Variants in ZNF529 observed in about 807,000 individuals in gnomAD.
ZNF529 encodes the protein zinc finger protein 529.
ZNF529 carries 11 observed loss-of-function variants against 10.1 expected under a neutral mutation model. That is an observed-to-expected ratio of 1.09 (90% confidence interval 0.69 to 1.81). The LOEUF (loss-of-function observed/expected upper bound fraction) is 1.81. ZNF529 is among the 40% of genes most tolerant of loss of function. The pLI is 0.00. For synonymous variants in ZNF529, 204 were observed against 215.7 expected, an observed-to-expected ratio of 0.95 and a Z score of 0.47; for missense variants, 624 against 666.8, an observed-to-expected ratio of 0.94 and a Z score of 0.71.
At chr19:36,577,246 C>A, upstream of ZNF529, 1 of 440,972 alleles carries the variant, frequency 2.3e-6, no homozygotes, top group Non-Finnish European at 4.6e-6. Flanking sequence ...AGGTGTGAAC[C>A]ACCGTGCCCG....
rs1371384097 is a variant in ZNF529, at chr19:36,546,474, CTG to C, written c.*390_*391del. Reference sequence around the variant, plus strand: ...TTGTATCTGACTAGGAGTGCTAACTCTGTGGAGGAAAATAAGTAAGTATAGAT... The same window carrying C: ...TTGTATCTGACTAGGAGTGCTAACTCTGGAGGAAAATAAGTAAGTATAGAT... On this transcript the variant is annotated 3_prime_UTR_variant, in exon 5 of 5. Coordinates refer to ENST00000591340, the MANE Select transcript of ZNF529 (RefSeq NM_020951.5). 1 of 165,204 alleles carries C rather than the reference CTG, an allele frequency of 6.1e-6. No individual in the cohort carries two copies. Among genetic ancestry groups the C allele is most frequent in the African/African-American group, 2.4e-5 (1 of 41,568 alleles). 10.2% of individuals were successfully genotyped at this position (165,204 alleles called of 1,614,324 possible). A position where few individuals can be genotyped will look rare whatever the true frequency, so the allele number is the denominator to read the frequency against.
At chr19:36,576,718 A>AAATAAT (rs141522986), upstream of ZNF529, among the ~76,000 whole-genome samples, 215 of 149,902 alleles carry the variant, frequency 1.4e-3, no homozygotes, top group South Asian at 3.4e-3. Flanking sequence ...CTCCGTCTCA[A>AAATAAT]AATAATAATA....
At chr19:36,553,849 A>G (rs1458307111) in intron 4 of ZNF529, among the ~76,000 whole-genome samples, 4 of 152,234 alleles carry the variant, frequency 2.6e-5, no homozygotes, top group African/African-American at 9.6e-5. Flanking sequence ...CAAGTGAAAT[A>G]CACATAACTA....
rs569880461 is a variant in ZNF529 at position 36,548,273 on chromosome 19, A to G, written c.285T>C (p.Ile95=). 1.2e-6 allele frequency: 2 copies of G among 1,610,390 alleles called. No homozygotes were observed. Among genetic ancestry groups the G allele is most frequent in the African/African-American group, 2.7e-5 (2 of 74,868 alleles). Residue 95 remains isoleucine (I), a synonymous_variant, in exon 5 of 5, where the codon ATT becomes ATC. Coordinates refer to ENST00000591340, the MANE Select transcript of ZNF529 (RefSeq NM_020951.5). ...ETKHLSVGKD[I]IQNTGSQWEV... ...CCCACTGAGAACCAGTGTTTTGAAT[A>G]ATATCTTTTCCTACAGATAAATGCT...
At chr19:36,583,858 T>G (rs919466386) in intron 2 of ZNF529, among the ~76,000 whole-genome samples, 1 of 150,006 alleles carries the variant, frequency 6.7e-6, no homozygotes, top group African/African-American at 2.5e-5. Flanking sequence ...AGCACAGAGA[T>G]AAAAAGTGAA....
intron 4 of ZNF529, among the ~76,000 whole-genome samples, chr19:36,553,325 T>C (rs1483403457): frequency 6.6e-6 from 1 of 151,980 alleles, no homozygotes; most frequent in African/African-American, 2.4e-5. Flanking sequence ...TTAGTAGAGA[T>C]GGGGTTTCAC....
At chr19:36,572,863 T>C (rs750461411) in intron 1 of ZNF529, among the ~76,000 whole-genome samples, 2 of 150,592 alleles carry the variant, frequency 1.3e-5, no homozygotes, top group Non-Finnish European at 3.0e-5. Flanking sequence ...GTCGGAAAAA[T>C]GACGCTTTAC....
intron 2 of ZNF529, among the ~76,000 whole-genome samples, chr19:36,583,368 G>A (rs2036512722): frequency 6.6e-6 from 1 of 152,080 alleles, no homozygotes; most frequent in African/African-American, 2.4e-5. Flanking sequence ...AAAATTTTAA[G>A]TTTTAATAAA....
chr19:36,583,080 G>C (rs1401767511), intron 2 of ZNF529, among the ~76,000 whole-genome samples: 1 of 150,586 alleles, frequency 6.6e-6, no homozygotes, highest in African/African-American at 2.5e-5. Context: ...TGTTTGTTTG[G>C]AGACAGGGTC....
chr19:36,557,572 A>G (rs767820362), intron 2 of ZNF529, among the ~76,000 whole-genome samples: 4 of 152,214 alleles, frequency 2.6e-5, no homozygotes, highest in East Asian at 1.9e-4. Flanking sequence ...CCATGATTCA[A>G]TTATCTCCAC....
intron 2 of ZNF529, among the ~76,000 whole-genome samples, chr19:36,568,474 CT>C (rs565480524): frequency 1.9e-3 from 251 of 131,104 alleles, no homozygotes; most frequent in Middle Eastern, 3.7e-3. Context: ...GATTTTCTTT[CT>C]TTTTTTTTTT....
chr19:36,597,395 ATTATT>A (rs1309045433), intron 1 of ZNF529, among the ~76,000 whole-genome samples: 2 of 152,152 alleles, frequency 1.3e-5, no homozygotes, highest in Admixed American at 6.6e-5. Context: ...GTCATGCACT[ATTATT>A]TTAGTTACCA....
chr19:36,557,480 T>A (rs2035522862), intron 2 of ZNF529, among the ~76,000 whole-genome samples: 1 of 152,162 alleles, frequency 6.6e-6, no homozygotes, highest in Non-Finnish European at 1.5e-5. Flanking sequence ...AGAGCCGAGC[T>A]AAGGGGGAAG....
chr19:36,553,256 C>T (rs2035333316), intron 4 of ZNF529, among the ~76,000 whole-genome samples: 1 of 152,154 alleles, frequency 6.6e-6, no homozygotes, highest in Non-Finnish European at 1.5e-5. Flanking sequence ...CTGCCTCAGC[C>T]TCCTGAGTAG....
intron 1 of ZNF529, chr19:36,605,085 T>A (rs1295394573): frequency 6.6e-6 from 1 of 152,508 alleles, no homozygotes; most frequent in Non-Finnish European, 1.5e-5. Context: ...TCCCCTGCCG[T>A]GAGCTCTTCT....
chr19:36,588,016 C>T lies in ZNF529; in HGVS notation c.-41+1599G>A, dbSNP rs558689146. Among the ~76,000 whole-genome samples, 4 of 152,210 alleles carry T rather than the reference C, an allele frequency of 2.6e-5. No homozygotes were observed. The East Asian group carries it at 5.8e-4, about 22-fold the overall frequency. ...TACAAAAATTAGCTGTGTGTGGTGG[C>T]ATGTGCCTGTAATCCCAGCTATTTG... On this transcript the variant is annotated intron_variant, in intron 2 of 4. Transcript: ENST00000585960.
At chr19:36,601,832 G>A (rs2036927895) in intron 1 of ZNF529, among the ~76,000 whole-genome samples, 1 of 152,010 alleles carries the variant, frequency 6.6e-6, no homozygotes, top group Admixed American at 6.6e-5. Flanking sequence ...AAACTTTTCT[G>A]TAAAGGACTA....
rs747148061 is a variant in ZNF529 at position 36,592,632 on chromosome 19, A to G, written c.-127-2931T>C. ...AGAAAGAAAGAAAAAAGAAAATGGT[A>G]GCAAATTTAATCTAGAAATATGTAA... On this transcript the variant is annotated intron_variant, in intron 1 of 4. Coordinates refer to the ZNF529 transcript ENST00000585960. Among the ~76,000 whole-genome samples the G allele has an allele frequency of 4.1e-4, 62 of 152,012 alleles. No individual in the cohort carries two copies. In the Middle Eastern group the frequency reaches 0.01, roughly 25 times the overall value.
rs2035033231 is a variant in ZNF529 at position 36,546,664 on chromosome 19, A to C, written c.*202T>G. ...AAAAACTTTTTAACATAAAAAGGAGAAATATTTGGCAACATCTAACAAAGC... is the reference window on the plus strand; with the variant it reads ...AAAAACTTTTTAACATAAAAAGGAGCAATATTTGGCAACATCTAACAAAGC... On this transcript the variant is annotated 3_prime_UTR_variant, in exon 5 of 5. Coordinates refer to ENST00000591340, the MANE Select transcript of ZNF529 (RefSeq NM_020951.5). The C allele has an allele frequency of 2.1e-6, 1 of 479,912 alleles. No individual in the cohort carries two copies. The highest frequency in any genetic ancestry group is 5.7e-4 in the Middle Eastern group (1 of 1,758). The allele number at this position is 479,912 out of a possible 1,614,324, so 29.7% of individuals were successfully genotyped here. A position where few individuals can be genotyped will look rare whatever the true frequency, so the allele number is the denominator to read the frequency against.
Sources: allele counts gnomAD v4.1 joint callset (sites outside exome capture counted in the v4.1 genomes callset), GRCh38; gene constraint gnomAD v4.1.1; transcripts MANE v1.5; gene names NCBI Gene and HGNC (gene_info 2026-07-23, HGNC 2026-07-21).